Variants in PPP4R1 observed in about 807,000 individuals in gnomAD.
The protein encoded by PPP4R1 is protein phosphatase 4 regulatory subunit 1.
A neutral mutation model predicts 111.2 loss-of-function variants in PPP4R1; 42 were observed. The observed-to-expected ratio is 0.38, with a 90% CI of 0.29 to 0.49. PPP4R1 has a LOEUF of 0.49. Among genes scored for constraint, PPP4R1 ranks in the 20% least tolerant of loss-of-function variants. PPP4R1 has a pLI of 0.97. For synonymous variants in PPP4R1, 409 were observed against 405.5 expected (o/e 1.01, Z -0.10); for missense variants, 1,012 against 1,161.6 (o/e 0.87, Z 1.87).
chr18:9,590,687 A>G (rs559927059), intron 4 of PPP4R1, among the ~76,000 whole-genome samples: 1 of 152,172 alleles, frequency 6.6e-6, no homozygotes, highest in East Asian at 1.9e-4. Context: ...GGCTACTCAC[A>G]TTAAAAAAAA....
intron 6 of PPP4R1, among the ~76,000 whole-genome samples, chr18:9,587,048 C>T (rs557446644): frequency 5.3e-5 from 8 of 152,278 alleles, no homozygotes; most frequent in African/African-American, 1.9e-4. Context: ...CTTGCCTGAC[C>T]ATCCTTCCCA....
intron 2 of PPP4R1, among the ~76,000 whole-genome samples, chr18:9,613,218 A>G (rs1188554005): frequency 6.6e-6 from 1 of 152,198 alleles, no homozygotes; most frequent in Non-Finnish European, 1.5e-5. Context: ...CTTCGCTTAT[A>G]TATTTTGCAC....
At position 9,547,920 on chromosome 18, in the gene PPP4R1, C is replaced by G. The variant is rs757195609; in HGVS notation, c.2722G>C (p.Glu908Gln). ...YFLASASCHQ[E>Q]AVEQTIMALQ... ...GCCATGATGGTCTGCTCCACAGCCT[C>G]CTGGTGGCAGCTGGCAGAGGCCAAG... The change falls in exon 20 of 20, where the codon GAG becomes CAG. Residue 908 changes from glutamate (E) to glutamine (Q), a missense_variant. By Grantham distance (29) the Glu-to-Gln change is conservative (BLOSUM62 2). Around this residue, in one of 2 missense-constraint regions of PPP4R1, gnomAD observed 305 missense variants for 419.5 expected, o/e 0.73. Transcript: ENST00000400556. The G allele has an allele frequency of 3.1e-6, 5 of 1,614,032 alleles. No homozygotes were observed. The highest frequency in any genetic ancestry group is 4.2e-6 in the Non-Finnish European group (5 of 1,180,034).
chr18:9,610,487 G>A (rs1052466189), intron 2 of PPP4R1, among the ~76,000 whole-genome samples: 5 of 150,990 alleles, frequency 3.3e-5, no homozygotes, highest in African/African-American at 9.7e-5. Flanking sequence ...TTTTTGAGAC[G>A]GAGTCTTGCT....
In PPP4R1 at chr18:9,595,844, T is replaced by C. The variant is rs968067934; in HGVS notation, c.53-691A>G. On this transcript the variant is annotated intron_variant, in intron 2 of 19. Coordinates refer to ENST00000400556, the MANE Select transcript of PPP4R1 (RefSeq NM_001042388.3). Reference sequence around the variant, plus strand: ...CTAAAAACTAACCAAAAGGTAATTATTTCAAAGGAACCAAGCAATGAGTGA... The same window carrying C: ...CTAAAAACTAACCAAAAGGTAATTACTTCAAAGGAACCAAGCAATGAGTGA... 5.9e-5 allele frequency among the ~76,000 whole-genome samples: 9 copies of C among 152,148 alleles called. No homozygotes were observed. In the East Asian group the frequency reaches 1.2e-3, roughly 20 times the overall value.
intron 6 of PPP4R1, 87 bp downstream of exon 6, chr18:9,588,002 C>A: frequency 6.7e-7 from 1 of 1,491,004 alleles, no homozygotes; most frequent in Non-Finnish European, 9.1e-7. Context: ...CAGGCATGAG[C>A]CACCGTGCCT....
intron 2 of PPP4R1, among the ~76,000 whole-genome samples, chr18:9,600,510 TA>T: frequency 6.6e-6 from 1 of 152,318 alleles, no homozygotes; most frequent in Admixed American, 6.5e-5. Flanking sequence ...GATACATTTT[TA>T]AAGACAAAAT....
chr18:9,562,264 T>C (rs2066691232), intron 12 of PPP4R1, among the ~76,000 whole-genome samples, 189 bp from the exon 13 acceptor site: 1 of 152,206 alleles, frequency 6.6e-6, no homozygotes, highest in African/African-American at 2.4e-5. Flanking sequence ...GAATAGGTTG[T>C]CAAGTGTACG....
intron 2 of PPP4R1, among the ~76,000 whole-genome samples, chr18:9,595,705 A>G (rs1021438442): frequency 6.6e-6 from 1 of 152,232 alleles, no homozygotes; most frequent in Admixed American, 6.5e-5. Flanking sequence ...TATTCTACAG[A>G]AAACAATCTA....
intron 8 of PPP4R1, among the ~76,000 whole-genome samples, chr18:9,584,007 T>C (rs556248963): frequency 6.6e-6 from 1 of 152,312 alleles, no homozygotes; most frequent in South Asian, 2.1e-4. Flanking sequence ...TACTGGATTG[T>C]CTTATGCAAT....
intron 4 of PPP4R1, among the ~76,000 whole-genome samples, chr18:9,591,206 G>C (rs1417831212): frequency 6.6e-6 from 1 of 151,982 alleles, no homozygotes; most frequent in African/African-American, 2.4e-5. Context: ...AAATTAGGCA[G>C]GCATGGTGGT....
chr18:9,581,805 A>T (rs2067033943), intron 9 of PPP4R1, among the ~76,000 whole-genome samples: 1 of 152,176 alleles, frequency 6.6e-6, no homozygotes, highest in African/African-American at 2.4e-5. Context: ...GTCAAAGGCA[A>T]GGAGAAAAAT....
rs191951156 is a variant in PPP4R1 at position 9,584,599 on chromosome 18, T to C, written c.694-19A>G. On this transcript the variant is annotated intron_variant, in intron 7 of 19. Coordinates refer to ENST00000400556, the MANE Select transcript of PPP4R1 (RefSeq NM_001042388.3). ...CACAGACCTGACAACAAAAGCATCA[T>C]TGACATTTCAAAATATTACACATAA... is the stretch of plus-strand genomic sequence containing the variant. 276 of 1,609,692 alleles carry C rather than the reference T, an allele frequency of 1.7e-4. No homozygotes were observed. The highest frequency in any genetic ancestry group is 6.7e-4 in the East Asian group (30 of 44,846).
chr18:9,585,233 C>T (rs1197215453), intron 6 of PPP4R1, among the ~76,000 whole-genome samples: 5 of 152,018 alleles, frequency 3.3e-5, no homozygotes, highest in African/African-American at 1.2e-4. Flanking sequence ...GAAAACTATC[C>T]CCAGGAAAGA....
At chr18:9,550,560 A>G in intron 16 of PPP4R1, 162 bp from the exon 17 acceptor site, 1 of 741,414 alleles carries the variant, frequency 1.3e-6, no homozygotes, top group Non-Finnish European at 2.2e-6. Flanking sequence ...AGTTACCTCC[A>G]GTCTCTGTGT....
chr18:9,614,916 C>T (rs1881965444), upstream of PPP4R1: 1 of 151,384 alleles, frequency 6.6e-6, no homozygotes, highest in Admixed American at 6.6e-5. This position sits in a 1 kb window ranked among gnomAD's most constrained non-coding sequence, Gnocchi z 4.1. Context: ...GCGGCCCGGC[C>T]GCTTTATTGG....
At chr18:9,548,635 G>C (rs1240407704) in intron 19 of PPP4R1, among the ~76,000 whole-genome samples, 1 of 152,180 alleles carries the variant, frequency 6.6e-6, no homozygotes, top group Non-Finnish European at 1.5e-5. Flanking sequence ...CTAAGTTTTA[G>C]GTCAGGCACG....
intron 6 of PPP4R1, among the ~76,000 whole-genome samples, chr18:9,586,628 G>C (rs1241056883): frequency 6.6e-6 from 1 of 152,078 alleles, no homozygotes; most frequent in Non-Finnish European, 1.5e-5. Flanking sequence ...AAAGAGACTA[G>C]AGAGATCATC....
intron 4 of PPP4R1, among the ~76,000 whole-genome samples, chr18:9,592,399 C>T (rs1366087631): frequency 6.6e-6 from 1 of 152,042 alleles, no homozygotes; most frequent in African/African-American, 2.4e-5. Flanking sequence ...CCTCATCTAT[C>T]AAATCCAACT....
Sources: allele counts gnomAD v4.1 joint callset (sites outside exome capture counted in the v4.1 genomes callset), GRCh38; gene constraint gnomAD v4.1.1; regional missense constraint gnomAD v4.1.1; non-coding constraint Gnocchi (gnomAD v3.1); transcripts MANE v1.5; gene names NCBI Gene and HGNC (gene_info 2026-07-23, HGNC 2026-07-21).